Variants in ABCC6 observed in about 807,000 individuals in gnomAD.
ABCC6 encodes the protein ATP binding cassette subfamily C member 6, also known as ATP-binding cassette sub-family C member 6.
In ABCC6, 126 loss-of-function variants were observed where a neutral mutation model predicts 169.5. The observed-to-expected ratio is 0.74, with a 90% CI of 0.64 to 0.86. The LOEUF is 0.86. ABCC6 is among the 40% of genes least tolerant of loss of function. ABCC6 has a pLI of 0.00. For synonymous variants in ABCC6, 752 were observed against 814.7 expected (o/e 0.92, Z 1.31); for missense variants, 1,733 against 1,927.2 (o/e 0.90, Z 1.89).
intron 21 of ABCC6, among the ~76,000 whole-genome samples, chr16:16,171,614 A>ATGGATGAATGGATGGAAAGG (rs1484433858): frequency 2.0e-5 from 3 of 152,116 alleles, no homozygotes; most frequent in African/African-American, 7.2e-5. Flanking sequence ...GGATGGAAAG[A>ATGGATGAATGGATGGAAAGG]TCAATGAATG....
intron 23 of ABCC6, 105 bp from the exon 24 acceptor site, chr16:16,163,297 G>A: frequency 9.2e-7 from 1 of 1,082,156 alleles, no homozygotes; most frequent in Non-Finnish European, 1.4e-6. Flanking sequence ...ACCAGGATCT[G>A]TTAACAGCTT....
chr16:16,219,277 G>A (rs1183310258), intron 4 of ABCC6, among the ~76,000 whole-genome samples: 4 of 151,270 alleles, frequency 2.6e-5, no homozygotes, highest in Admixed American at 6.6e-5. Context: ...GTACTTGTGC[G>A]ATGTATGAAT....
intron 29 of ABCC6, among the ~76,000 whole-genome samples, chr16:16,152,553 G>A (rs980607218): frequency 5.3e-5 from 8 of 152,010 alleles, no homozygotes; most frequent in African/African-American, 1.9e-4. Flanking sequence ...GGACTAAAAT[G>A]AGTATTTACT....
intron 27 of ABCC6, among the ~76,000 whole-genome samples, chr16:16,157,162 A>G (rs1336923564): frequency 1.3e-5 from 2 of 152,056 alleles, no homozygotes; most frequent in Admixed American, 6.6e-5. Context: ...AACGCAAATA[A>G]TAAAAGCATT....
At chr16:16,183,056 T>C in intron 15 of ABCC6, 126 bp from the exon 16 acceptor site, 1 of 1,446,408 alleles carries the variant, frequency 6.9e-7, no homozygotes, top group Non-Finnish European at 9.7e-7. Context: ...TGTGGGGCTG[T>C]TCTTTTTCCC....
At chr16:16,169,553 C>G in intron 22 of ABCC6, 93 bp downstream of exon 22, 4 of 1,436,202 alleles carry the variant, frequency 2.8e-6, no homozygotes, top group Non-Finnish European at 3.9e-6. Flanking sequence ...TCCAGGGGGA[C>G]AGGGTGACCC....
chr16:16,165,284 C>T (rs1240501835), intron 23 of ABCC6, among the ~76,000 whole-genome samples: 7 of 152,090 alleles, frequency 4.6e-5, no homozygotes, highest in East Asian at 1.9e-4. Context: ...CATGGTGGCA[C>T]GTGCCTGTAG....
intron 21 of ABCC6, among the ~76,000 whole-genome samples, chr16:16,171,857 GT>G (rs2047086261): frequency 7.3e-6 from 1 of 136,860 alleles, no homozygotes. Context: ...GGATAAATGA[GT>G]TGGTGGGAGG....
In ABCC6 at chr16:16,155,034, G is replaced by A. The variant is rs924237575; in HGVS notation, c.3883-3C>T. On this transcript the variant is annotated splice_polypyrimidine_tract_variant and splice_region_variant and intron_variant, in intron 27 of 30. Coordinates refer to ENST00000205557, the MANE Select transcript of ABCC6 (RefSeq NM_001171.6). ...CCGGTCCTGCCAACGATGCCCACCT[G>A]CCCGGGGTTGGGAGGAAAGGCCTGC... 6.4e-7 allele frequency: 1 copy of A among 1,552,198 alleles called. No individual in the cohort carries two copies. Among genetic ancestry groups the A allele is most frequent in the Non-Finnish European group, 8.7e-7 (1 of 1,148,892 alleles).
chr16:16,177,915 C>T (rs1468143767), intron 18 of ABCC6, among the ~76,000 whole-genome samples: 1 of 150,278 alleles, frequency 6.7e-6, no homozygotes, highest in African/African-American at 2.5e-5. Flanking sequence ...AGCACTCCAT[C>T]CTGGGTGACA....
At chr16:16,164,883 C>T (rs2046828646) in intron 23 of ABCC6, among the ~76,000 whole-genome samples, 2 of 152,310 alleles carry the variant, frequency 1.3e-5, no homozygotes, top group South Asian at 4.1e-4. Context: ...TGGAGAGAGT[C>T]ACTGTGTCCT....
chr16:16,193,432 G>C (rs552628597), intron 10 of ABCC6, among the ~76,000 whole-genome samples: 24 of 152,268 alleles, frequency 1.6e-4, no homozygotes, highest in Admixed American at 1.4e-3. Flanking sequence ...CTTGCTTTTG[G>C]CCGGGCACGG....
chr16:16,155,340 T>C, intron 27 of ABCC6: 2 of 469,264 alleles, frequency 4.3e-6, no homozygotes, highest in East Asian at 3.6e-5. Context: ...TCTCTCATCC[T>C]TTTTTCTACC....
Position 16,188,962 on chromosome 16 carries a change from C to G in ABCC6, c.1648G>C (p.Val550Leu). 6.2e-7 allele frequency: 1 copy of G among 1,614,016 alleles called. No individual in the cohort carries two copies. The highest frequency in any genetic ancestry group is 8.5e-7 in the Non-Finnish European group (1 of 1,180,028). ...QVSTFLVALV[V>L]FAVHTLVAEN... Reference sequence around the variant, plus strand: ...GCCACCAGAGTGTGGACAGCAAACACCACCAGTGCGACCTGGGGGGTGGGG... The same window carrying G: ...GCCACCAGAGTGTGGACAGCAAACAGCACCAGTGCGACCTGGGGGGTGGGG... Residue 550 changes from valine to leucine, a missense_variant, in exon 13 of 31, where the codon GTG becomes CTG. By Grantham distance (32) the Val-to-Leu change is conservative. This residue lies in a region of ABCC6 where 1,601 missense variants were observed against 1,635.5 expected (regional missense o/e 0.98). Transcript: ENST00000205557.
At chr16:16,173,238 A>C in intron 21 of ABCC6, 46 bp downstream of exon 21, 2 of 1,389,410 alleles carry the variant, frequency 1.4e-6, no homozygotes, top group Non-Finnish European at 2.0e-6. Flanking sequence ...GGGCCCCTGG[A>C]GGTGGCAGCA....
At chr16:16,208,534 C>T (rs1225337245) in intron 7 of ABCC6, among the ~76,000 whole-genome samples, 194 bp downstream of exon 7, 1 of 152,028 alleles carries the variant, frequency 6.6e-6, no homozygotes, top group African/African-American at 2.4e-5. Context: ...CCACCACGCC[C>T]AGCTAATTTT....
chr16:16,213,175 C>G (rs1215762254), intron 5 of ABCC6, among the ~76,000 whole-genome samples: 1 of 151,200 alleles, frequency 6.6e-6, no homozygotes, highest in Non-Finnish European at 1.5e-5. Flanking sequence ...GCCTTTATCT[C>G]TTGGATTCAA....
chr16:16,155,213 T>A (rs1433304798), intron 27 of ABCC6, 182 bp from the exon 28 acceptor site: 4 of 690,666 alleles, frequency 5.8e-6, no homozygotes, highest in Non-Finnish European at 9.6e-6. Context: ...CATCCAGTCT[T>A]CCATCTGTGT....
intron 22 of ABCC6, among the ~76,000 whole-genome samples, chr16:16,169,055 C>T (rs1042369054): frequency 2.0e-5 from 3 of 151,956 alleles, no homozygotes; most frequent in Middle Eastern, 3.4e-3. Flanking sequence ...CCCTCCAGCC[C>T]GGGCAACAGA....
Sources: gnomAD v4.1 joint callset for allele counts (sites outside exome capture counted in the v4.1 genomes callset) on GRCh38, gnomAD v4.1.1 for gene constraint, gnomAD v4.1.1 regional missense constraint, MANE v1.5 for transcripts, NCBI Gene and HGNC (gene_info 2026-07-23, HGNC 2026-07-21) for gene names.